Variants in CROT observed in about 807,000 individuals in gnomAD.
CROT encodes the protein carnitine O-octanoyltransferase.
In CROT, 84 loss-of-function variants were observed where a neutral mutation model predicts 89.2. That is an observed-to-expected ratio of 0.94 (90% CI 0.79 to 1.13). The LOEUF is 1.13. Ranked by LOEUF, CROT falls within the 50% of genes most tolerant of loss-of-function variation. The probability of loss-of-function intolerance (pLI) is 0.00; values close to 1 mark genes in which losing one functional copy is unlikely to be tolerated. For missense variants in CROT, 711 were observed against 727.8 expected (o/e 0.98, Z 0.27); for synonymous variants, 212 against 239.5 (o/e 0.89, Z 1.06).
At chr7:87,378,334 A>G in intron 10 of CROT, among the ~76,000 whole-genome samples, 1 of 119,768 alleles carries the variant, frequency 8.3e-6, no homozygotes, top group Non-Finnish European at 1.8e-5. Flanking sequence ...AAACAGACTG[A>G]GACTCCGACT....
At position 87,382,185 on chromosome 7, in the gene CROT, T is replaced by C; in HGVS notation, c.1170+4T>C. The C allele has an allele frequency of 6.3e-7, 1 of 1,585,398 alleles. No homozygotes were observed. Among genetic ancestry groups the C allele is most frequent in the Non-Finnish European group, 8.6e-7 (1 of 1,162,018 alleles). On this transcript the variant is annotated splice_donor_region_variant and intron_variant, in intron 12 of 17. Coordinates refer to ENST00000331536, the MANE Select transcript of CROT (RefSeq NM_021151.4). ...TAAAGCCCAGTATCTCAGGGAGGTA[T>C]ATTTTTCACTTTTCTCTTAAATAAT... is the stretch of plus-strand genomic sequence containing the variant.
intron 13 of CROT, 41 bp downstream of exon 13, chr7:87,382,584 C>G: frequency 6.4e-7 from 1 of 1,570,450 alleles, no homozygotes; most frequent in Non-Finnish European, 8.6e-7. Flanking sequence ...TCTTGAAGTC[C>G]AAGGGTATAT....
rs1807638659 is a variant in CROT at position 87,398,723 on chromosome 7, G to C, written c.*79G>C. 1.5e-5 allele frequency: 21 copies of C among 1,373,534 alleles called. No homozygotes were observed. The highest frequency in any genetic ancestry group is 2.1e-5 in the Non-Finnish European group (21 of 999,434). The allele number at this position is 1,373,534 out of a possible 1,614,324, so 85.1% of individuals were successfully genotyped here. A position where few individuals can be genotyped will look rare whatever the true frequency, so the allele number is the denominator to read the frequency against. ...GGAGTGAGTTGGTAATATGAGATGG[G>C]AAGGAATGTTGACTTGCTAACATTC... is the stretch of plus-strand genomic sequence containing the variant. On this transcript the variant is annotated 3_prime_UTR_variant, in exon 18 of 18. Transcript: ENST00000331536.
intron 6 of CROT, 26 bp from the exon 7 acceptor site, chr7:87,369,350 C>A: frequency 6.6e-7 from 1 of 1,515,730 alleles, no homozygotes; most frequent in Non-Finnish European, 9.1e-7. Context: ...AGATTTGAGT[C>A]TTGTGTTTTC....
intron 13 of CROT, among the ~76,000 whole-genome samples, chr7:87,384,114 T>G (rs753862537): frequency 6.6e-6 from 1 of 152,192 alleles, no homozygotes; most frequent in Non-Finnish European, 1.5e-5. Context: ...TAAAAGTGAT[T>G]TTTAACTAGG....
intron 13 of CROT, among the ~76,000 whole-genome samples, chr7:87,385,489 A>T (rs1273767908): frequency 6.6e-6 from 1 of 151,624 alleles, no homozygotes; most frequent in Non-Finnish European, 1.5e-5. Context: ...TGTTTTTCAG[A>T]TTGTTTGCTT....
At chr7:87,395,168 TC>T (rs1807487602) in intron 17 of CROT, among the ~76,000 whole-genome samples, 1 of 152,018 alleles carries the variant, frequency 6.6e-6, no homozygotes. Context: ...CCAGTTTGAG[TC>T]CCACAGCTGA....
chr7:87,375,578 A>G (rs1806783081), intron 7 of CROT, 54 bp from the exon 8 acceptor site: 10 of 1,347,680 alleles, frequency 7.4e-6, no homozygotes, highest in Non-Finnish European at 1.1e-5. Flanking sequence ...TAAAGGCCAA[A>G]GTAGTTACTT....
At chr7:87,362,611 T>C (rs1447838851) in intron 6 of CROT, among the ~76,000 whole-genome samples, 1 of 152,058 alleles carries the variant, frequency 6.6e-6, no homozygotes, top group Non-Finnish European at 1.5e-5. Flanking sequence ...TCACTCTTCT[T>C]AGAGACACAT....
In CROT at chr7:87,375,925, C is replaced by T. The variant is rs144536594; in HGVS notation, c.848C>T (p.Pro283Leu). 5.9e-4 allele frequency: 945 copies of T among 1,611,510 alleles called. 7 individuals are homozygous for T. In the South Asian group the frequency reaches 6.9e-3, roughly 12 times the overall value. The stretch of plus-strand genomic sequence containing the variant: ...GTATATTCCATGGAGGATAGCAGTC[C>T]ACATGTAACACCAGAGGATTATTCT... ...LLVYSMEDSS[P>L]HVTPEDYSEI... is the part of the protein sequence containing the mutation. The change falls in exon 9 of 18, where the codon CCA becomes CTA. Residue 283 changes from proline to leucine, a missense_variant. Physicochemically the swap from Pro to Leu is moderately conservative, Grantham distance 98. Transcript: ENST00000331536.
At chr7:87,364,752 G>A (rs1806385653) in intron 6 of CROT, among the ~76,000 whole-genome samples, 1 of 152,218 alleles carries the variant, frequency 6.6e-6, no homozygotes, top group East Asian at 1.9e-4. Flanking sequence ...GAGCAGAAAG[G>A]TGGAGGGGTT....
chr7:87,368,483 C>T (rs940811707), intron 6 of CROT, among the ~76,000 whole-genome samples: 1 of 152,082 alleles, frequency 6.6e-6, no homozygotes. Context: ...AAGGAAAACA[C>T]ATATCTCATC....
intron 7 of CROT, among the ~76,000 whole-genome samples, chr7:87,373,854 T>G (rs1806721013): frequency 6.6e-6 from 1 of 152,042 alleles, no homozygotes; most frequent in Admixed American, 6.6e-5. Flanking sequence ...GAAAAAGACT[T>G]CAGTGACGTA....
chr7:87,398,103 CTTT>C (rs5885580), intron 17 of CROT, among the ~76,000 whole-genome samples: 1,526 of 145,096 alleles, frequency 0.011, 32 homozygotes, highest in African/African-American at 0.036. Context: ...CCTTCTCTGC[CTTT>C]TTTTTTTTTT....
chr7:87,388,489 G>C (rs138847906), intron 13 of CROT, among the ~76,000 whole-genome samples: 9 of 152,172 alleles, frequency 5.9e-5, no homozygotes, highest in African/African-American at 1.4e-4. Context: ...ACAACCATCT[G>C]ATCTGTAACA....
Position 87,376,105 on chromosome 7 carries a change from T to G in CROT, c.876+152T>G, listed in dbSNP as rs1248365974. The G allele has an allele frequency of 1.4e-5, 9 of 634,872 alleles. No homozygotes were observed. The East Asian group carries it at 2.4e-4, about 17-fold the overall frequency. The allele number at this position is 634,872 out of a possible 1,614,324, so 39.3% of individuals were successfully genotyped here. On this transcript the variant is annotated intron_variant, in intron 9 of 17. Coordinates refer to ENST00000331536, the MANE Select transcript of CROT (RefSeq NM_021151.4). ...TATACTTGTGCCAAATTGAAGCTTA[T>G]AAAGTAGATAGTAAATTGGTAAATC... is the stretch of plus-strand genomic sequence containing the variant.
intron 3 of CROT, 128 bp downstream of exon 3, chr7:87,349,311 A>G (rs1485321059): frequency 2.2e-6 from 1 of 464,446 alleles, no homozygotes; most frequent in Admixed American, 4.0e-5. Flanking sequence ...CTCTTGCAGG[A>G]AGGAATTCAA....
intron 3 of CROT, among the ~76,000 whole-genome samples, chr7:87,355,900 G>C (rs1329005394): frequency 1.3e-5 from 2 of 152,302 alleles, no homozygotes; most frequent in Non-Finnish European, 2.9e-5. Flanking sequence ...ACCTATACAT[G>C]AATCCAAAAA....
chr7:87,375,679 C>G lies in CROT; in HGVS notation c.704C>G (p.Pro235Arg). The G allele has an allele frequency of 1.2e-6, 2 of 1,613,526 alleles. No individual in the cohort carries two copies. The highest frequency in any genetic ancestry group is 1.7e-6 in the Non-Finnish European group (2 of 1,179,562). Residue 235 changes from proline (P) to arginine (R), a missense_variant, in exon 8 of 18, where the codon CCT (proline) becomes CGT (arginine). Transcript: ENST00000331536. Reference protein sequence around the residue: ...HKKCHSEPDGPGIAALTSEER... With the variant: ...HKKCHSEPDGRGIAALTSEER... ...AAGTGCCATAGTGAACCTGATGGAC[C>G]TGGGATTGCAGCATTAACTAGTGAG...
Sources: gnomAD v4.1 joint callset for allele counts (sites outside exome capture counted in the v4.1 genomes callset) on GRCh38, gnomAD v4.1.1 for gene constraint, MANE v1.5 for transcripts, NCBI Gene and HGNC (gene_info 2026-07-23, HGNC 2026-07-21) for gene names.